Variants in CA4 observed in about 807,000 individuals in gnomAD.
CA4 encodes carbonic anhydrase 4, also known as CA-IV.
CA4 carries 24 observed loss-of-function variants against 34.5 expected under a neutral mutation model. The ratio of observed to expected loss-of-function variants is 0.70; its 90% confidence interval spans 0.50 to 0.98. CA4 has a LOEUF of 0.98. Ranked by LOEUF, CA4 falls within the 50% of genes least tolerant of loss-of-function variation. The pLI is 0.00. For synonymous variants in CA4, 178 were observed against 170.6 expected (o/e 1.04, Z -0.34); for missense variants, 394 against 396.7 (o/e 0.99, Z 0.06).
downstream of CA4, among the ~76,000 whole-genome samples, chr17:60,162,423 C>A (rs1335270318): frequency 2.6e-5 from 4 of 152,258 alleles, no homozygotes; most frequent in East Asian, 3.9e-4. Context: ...TCTGGCCTGG[C>A]TTCTGAGACA....
chr17:60,162,474 A>C (rs1488240867), downstream of CA4, among the ~76,000 whole-genome samples: 1 of 151,696 alleles, frequency 6.6e-6, no homozygotes, highest in African/African-American at 2.4e-5. Context: ...CCTTATTCAC[A>C]AAGAGGGTCC....
intron 1 of CA4, among the ~76,000 whole-genome samples, chr17:60,150,457 G>C (rs1362172428): frequency 6.6e-6 from 1 of 151,886 alleles, no homozygotes; most frequent in Non-Finnish European, 1.5e-5. Flanking sequence ...TGGATCACCT[G>C]AGCCCAGGAG....
At chr17:60,154,095 GCTCAGAGAC>G (rs1370601106) in intron 1 of CA4, among the ~76,000 whole-genome samples, 1 of 152,134 alleles carries the variant, frequency 6.6e-6, no homozygotes, top group Non-Finnish European at 1.5e-5. Flanking sequence ...GGGTGGATGA[GCTCAGAGAC>G]CTCAGCTTTG....
At chr17:60,166,684 G>A (rs777602423) in intron 5 of CA4, among the ~76,000 whole-genome samples, 115 of 149,506 alleles carry the variant, frequency 7.7e-4, no homozygotes, top group Non-Finnish European at 4.4e-4. Context: ...GGCCAGGTGC[G>A]GTGGCTCATG....
downstream of CA4, among the ~76,000 whole-genome samples, chr17:60,161,686 C>T (rs1337132989): frequency 7.2e-5 from 11 of 151,972 alleles, no homozygotes; most frequent in African/African-American, 2.7e-4. Flanking sequence ...CCTTTCCCTC[C>T]GTCTTCCCTT....
intron 5 of CA4, among the ~76,000 whole-genome samples, chr17:60,166,730 G>T (rs1280286842): frequency 1.3e-5 from 2 of 152,058 alleles, no homozygotes; most frequent in Non-Finnish European, 2.9e-5. Context: ...CCAAGGGGGG[G>T]GCGGATCACC....
chr17:60,174,655 C>A (rs1466691830), downstream of CA4, among the ~76,000 whole-genome samples: 4 of 152,194 alleles, frequency 2.6e-5, no homozygotes, highest in Non-Finnish European at 5.9e-5. Context: ...TTGTTGCTCT[C>A]TCCTGTATGG....
intron 5 of CA4, among the ~76,000 whole-genome samples, chr17:60,164,655 T>A (rs142507864): frequency 0.012 from 1,849 of 152,146 alleles, 29 homozygotes; most frequent in African/African-American, 0.041. Context: ...CCTCCCAAAG[T>A]GCTGGGATTA....
rs377527362 is a variant in CA4, at chr17:60,155,396, C to G, written c.112+29C>G. 119 of 1,580,556 alleles carry G rather than the reference C, an allele frequency of 7.5e-5. 1 individual carries two copies. In the African/African-American group the frequency reaches 1.1e-3, roughly 14 times the overall value. On this transcript the variant is annotated intron_variant, in intron 2 of 7. Coordinates refer to ENST00000300900, the MANE Select transcript of CA4 (RefSeq NM_000717.5). ...AGTACAGCCAGTCCAGGGGACTGCT[C>G]TTTGTGCATGGTGGGCACCACGCAA...
At chr17:60,150,654 T>TAAAAAAA (rs66850461) in intron 1 of CA4, among the ~76,000 whole-genome samples, 1 of 33,910 alleles carries the variant, frequency 2.9e-5, no homozygotes, top group Admixed American at 4.7e-4. Flanking sequence ...GTGCTCCGTT[T>TAAAAAAA]AAAAAAAAAA....
intron 1 of CA4, among the ~76,000 whole-genome samples, chr17:60,152,721 G>A (rs2083613955): frequency 6.6e-6 from 1 of 152,178 alleles, no homozygotes; most frequent in African/African-American, 2.4e-5. Context: ...CTCTGCGGGT[G>A]GGGACATGGG....
intron 3 of CA4, 151 bp from the exon 4 acceptor site, chr17:60,157,276 T>TGCC: frequency 2.6e-6 from 2 of 756,858 alleles, no homozygotes; most frequent in Non-Finnish European, 2.3e-6. Context: ...TCCCACCCTG[T>TGCC]CCCACCCCGC....
At chr17:60,150,654 TAA>T (rs66850461) in intron 1 of CA4, among the ~76,000 whole-genome samples, 164 of 33,844 alleles carry the variant, frequency 4.8e-3, no homozygotes, top group Admixed American at 7.6e-3. Flanking sequence ...GTGCTCCGTT[TAA>T]AAAAAAAAAA....
intron 5 of CA4, among the ~76,000 whole-genome samples, chr17:60,169,514 G>T (rs543642157): frequency 9.9e-5 from 15 of 152,138 alleles, no homozygotes; most frequent in Admixed American, 5.9e-4. Context: ...TTTTAAGATG[G>T]AGTCTTGCTC....
chr17:60,175,206 T>TTTTTTTTTTTTTTC, downstream of CA4, among the ~76,000 whole-genome samples: 1 of 150,324 alleles, frequency 6.7e-6, no homozygotes, highest in African/African-American at 2.5e-5. Flanking sequence ...TTTTTTTTTT[T>TTTTTTTTTTTTTTC]TTTAGTAGAA....
intron 2 of CA4, among the ~76,000 whole-genome samples, chr17:60,156,339 C>A (rs2083683182): frequency 6.6e-6 from 1 of 152,172 alleles, no homozygotes; most frequent in African/African-American, 2.4e-5. Context: ...GGGCTAGACT[C>A]CCCAGCCTTG....
intron 1 of CA4, among the ~76,000 whole-genome samples, chr17:60,154,066 G>A (rs75506524): frequency 0.048 from 7,349 of 152,242 alleles, 224 homozygotes; most frequent in South Asian, 0.089. Flanking sequence ...TGTGGGGGCA[G>A]CCCAGGCAAG....
intron 2 of CA4, among the ~76,000 whole-genome samples, chr17:60,155,951 C>G (rs1471492049): frequency 2.0e-5 from 3 of 152,128 alleles, no homozygotes; most frequent in Admixed American, 2.0e-4. Context: ...GAATGCAAAC[C>G]CTGCAGTCTG....
downstream of CA4, among the ~76,000 whole-genome samples, chr17:60,163,850 G>A (rs2083822974): frequency 1.3e-5 from 2 of 152,210 alleles, no homozygotes; most frequent in Non-Finnish European, 2.9e-5. Flanking sequence ...TAGTCTTTCA[G>A]CCAGGCGCAG....
Sources: gnomAD v4.1 joint callset for allele counts (sites outside exome capture counted in the v4.1 genomes callset) on GRCh38, gnomAD v4.1.1 for gene constraint, MANE v1.5 for transcripts, NCBI Gene and HGNC (gene_info 2026-07-23, HGNC 2026-07-21) for gene names.